Variants in NUP210L observed in about 807,000 individuals in gnomAD.
NUP210L encodes nuclear pore membrane glycoprotein 210-like.
Under a neutral mutation model 208.5 loss-of-function variants are expected in NUP210L, and 74 were observed. The ratio of observed to expected loss-of-function variants is 0.35; its 90% confidence interval spans 0.29 to 0.43. The LOEUF is 0.43. Among genes scored for constraint, NUP210L ranks in the 20% least tolerant of loss-of-function variants. The pLI is 1.00. For synonymous variants in NUP210L, 780 were observed against 816.9 expected (o/e 0.95, Z 0.77); for missense variants, 1,843 against 2,289.4 (o/e 0.81, Z 3.98).
At chr1:154,054,526 A>G in intron 24 of NUP210L, 119 bp from the exon 25 acceptor site, 1 of 925,772 alleles carries the variant, frequency 1.1e-6, no homozygotes. Flanking sequence ...TGAACAACAT[A>G]TCCCATATCA....
intron 25 of NUP210L, among the ~76,000 whole-genome samples, chr1:154,046,983 G>A (rs1007855370): frequency 4.6e-5 from 7 of 152,100 alleles, no homozygotes; most frequent in East Asian, 1.9e-4. Flanking sequence ...GTTTGAATCC[G>A]GGAGGCGGAG....
At chr1:154,117,816 G>C in exon 12 of NUP210L, 3 of 1,612,642 alleles carry the variant, frequency 1.9e-6, no homozygotes, top group Non-Finnish European at 2.5e-6. Context: ...CACTCCTTTC[G>C]TGGTTACTAT....
At chr1:154,024,536 T>A (rs979567395) in intron 30 of NUP210L, among the ~76,000 whole-genome samples, 5 of 152,178 alleles carry the variant, frequency 3.3e-5, no homozygotes, top group African/African-American at 7.2e-5. Context: ...CTTAATTTTT[T>A]AAAAAGAAAC....
rs538863278 is a variant in NUP210L, at chr1:154,118,502, G to A, written c.1464+169C>T. Among the ~76,000 whole-genome samples the A allele has an allele frequency of 7.2e-5, 11 of 152,284 alleles. No homozygotes were observed. The South Asian group carries it at 2.3e-3, about 32-fold the overall frequency. ...AGAGACAGAAAGCATCTGTAACCAA[G>A]TCTTGTTATAGATGACATTTTTCAA... On this transcript the variant is annotated intron_variant, in intron 11 of 39. Coordinates refer to ENST00000368559, the Ensembl canonical transcript of NUP210L.
Position 154,089,433 on chromosome 1 carries a change from G to A in NUP210L, c.2349C>T (p.His783=), listed in dbSNP as rs747985409. 2.5e-6 allele frequency: 4 copies of A among 1,613,954 alleles called. No homozygotes were observed. The African/African-American group carries it at 4.0e-5, about 16-fold the overall frequency. ...ACTCTGTACTTACCAGCCATTTGTTGTGCTGTGGCAGAGGACATGGCTGGG... is the reference window on the plus strand; with the variant it reads ...ACTCTGTACTTACCAGCCATTTGTTATGCTGTGGCAGAGGACATGGCTGGG... The change falls in exon 16 of 40, where the codon CAC becomes CAT. Residue 783 remains histidine (H), a synonymous_variant. Transcript: ENST00000368559.
At chr1:154,039,235 CTTTT>C (rs76369289) in intron 27 of NUP210L, among the ~76,000 whole-genome samples, 1 of 135,242 alleles carries the variant, frequency 7.4e-6, no homozygotes, top group Non-Finnish European at 1.6e-5. Context: ...TTCTGGGAAA[CTTTT>C]TTTTTTTTTT....
intron 12 of NUP210L, among the ~76,000 whole-genome samples, chr1:154,105,051 A>G (rs1216940422): frequency 1.3e-5 from 2 of 152,176 alleles, no homozygotes; most frequent in Admixed American, 1.3e-4. Flanking sequence ...GCCACAATAG[A>G]GCATGAGGCA....
intron 27 of NUP210L, among the ~76,000 whole-genome samples, chr1:154,034,180 GTAA>G (rs749120940): frequency 6.6e-6 from 1 of 152,010 alleles, no homozygotes; most frequent in Non-Finnish European, 1.5e-5. Flanking sequence ...TGTTATCAGG[GTAA>G]TACTGGCCTC....
rs543646461 is a variant in NUP210L, at chr1:154,096,632, C to T, written c.1966-1476G>A. ...AAAATTAGCTGAGCATGGTGGTGCA[C>T]GCCTGTAATCCCAGCTACTTGGGAG... On this transcript the variant is annotated intron_variant, in intron 14 of 39. Transcript: ENST00000368559. Among the ~76,000 whole-genome samples the T allele has an allele frequency of 7.9e-5, 12 of 151,384 alleles. No individual in the cohort carries two copies. In the South Asian group the frequency reaches 8.4e-4, roughly 11 times the overall value.
intron 27 of NUP210L, chr1:154,039,839 T>C (rs892429610): frequency 1.3e-5 from 2 of 152,196 alleles, no homozygotes; most frequent in African/African-American, 4.8e-5. Context: ...AATATTGATA[T>C]CTTTCTCTAG....
intron 30 of NUP210L, among the ~76,000 whole-genome samples, chr1:154,024,601 G>A (rs1340060994): frequency 6.6e-6 from 1 of 151,914 alleles, no homozygotes; most frequent in East Asian, 1.9e-4. Context: ...GCAGCACAAA[G>A]CAGCCTCGAA....
chr1:154,019,109 G>A lies in NUP210L; in HGVS notation c.4517-40C>T, dbSNP rs1402240587. ...GAGAAAACACTTGGCTGAAGCCTTT[G>A]ATATAAATCACTCTGGACTTATTCA... On this transcript the variant is annotated intron_variant, in intron 32 of 39. Coordinates refer to ENST00000368559, the Ensembl canonical transcript of NUP210L. 5.0e-6 allele frequency: 8 copies of A among 1,608,026 alleles called. No individual in the cohort carries two copies. The Admixed American group carries it at 6.7e-5, about 14-fold the overall frequency.
intron 8 of NUP210L, 135 bp downstream of exon 8, chr1:154,129,142 C>A: frequency 1.8e-6 from 1 of 565,484 alleles, no homozygotes; most frequent in Non-Finnish European, 3.1e-6. Context: ...TTTGATAAAA[C>A]ATGTCAAAGT....
intron 16 of NUP210L, among the ~76,000 whole-genome samples, chr1:154,084,414 G>A (rs1655517829): frequency 1.3e-5 from 2 of 151,628 alleles, no homozygotes; most frequent in Non-Finnish European, 2.9e-5. Flanking sequence ...GTTTCACCGT[G>A]TTGGCCAGGC....
intron 32 of NUP210L, among the ~76,000 whole-genome samples, chr1:154,021,337 A>G (rs1229434085): frequency 6.6e-6 from 1 of 152,108 alleles, no homozygotes; most frequent in Non-Finnish European, 1.5e-5. Flanking sequence ...AAATATAAAA[A>G]TTAGCCAGGC....
At chr1:154,109,446 G>A (rs1656932863) in intron 12 of NUP210L, among the ~76,000 whole-genome samples, 1 of 151,564 alleles carries the variant, frequency 6.6e-6, no homozygotes, top group Admixed American at 6.6e-5. Flanking sequence ...TTAATAGCTG[G>A]AGACTTCAAC....
At chr1:153,993,862 C>G (rs114155853) in intron 38 of NUP210L, among the ~76,000 whole-genome samples, 1 of 152,150 alleles carries the variant, frequency 6.6e-6, no homozygotes, top group Non-Finnish European at 1.5e-5. Context: ...TGCACCACTT[C>G]ACACCAGCCT....
At chr1:154,046,249 T>G (rs1194406288) in intron 26 of NUP210L, 40 bp downstream of exon 26, 1 of 1,613,938 alleles carries the variant, frequency 6.2e-7, no homozygotes, top group African/African-American at 1.3e-5. Flanking sequence ...CAGTTGCAAT[T>G]ATCAGAATAA....
chr1:154,085,502 CAGAA>C (rs1369904737), intron 16 of NUP210L, among the ~76,000 whole-genome samples: 2 of 151,762 alleles, frequency 1.3e-5, no homozygotes, highest in African/African-American at 4.8e-5. Context: ...TACCAATAAA[CAGAA>C]AGACATCCAT....
Sources: allele counts gnomAD v4.1 joint callset (sites outside exome capture counted in the v4.1 genomes callset), GRCh38; gene constraint gnomAD v4.1.1; transcripts MANE v1.5; gene names NCBI Gene and HGNC (gene_info 2026-07-23, HGNC 2026-07-21).